Variants in GLI3 observed in about 807,000 individuals in gnomAD.
GLI3 encodes the protein GLI family zinc finger 3.
Under a neutral mutation model 100.8 loss-of-function variants are expected in GLI3, and 20 were observed. The observed-to-expected ratio is 0.20, with a 90% CI of 0.14 to 0.29. GLI3 has a LOEUF of 0.29. GLI3 is among the 10% of genes least tolerant of loss of function. The pLI, the probability that GLI3 is intolerant of heterozygous loss-of-function variation, is 1.00. For missense variants in GLI3, 2,040 were observed against 2,128.5 expected (o/e 0.96, Z 0.82); for synonymous variants, 938 against 860.5 (o/e 1.09, Z -1.58).
At chr7:42,223,076 G>A (rs1788518182) in intron 2 of GLI3, 54 bp downstream of exon 2, 2 of 1,606,038 alleles carry the variant, frequency 1.2e-6, no homozygotes, top group African/African-American at 1.3e-5. Context: ...AAGGAATGCA[G>A]AGAACACAGA....
upstream of GLI3, among the ~76,000 whole-genome samples, chr7:42,241,324 C>T (rs530397033): frequency 2.6e-5 from 4 of 152,242 alleles, no homozygotes; most frequent in Non-Finnish European, 4.4e-5. Flanking sequence ...CAAGTGGATC[C>T]GATATTCCCC....
intron 3 of GLI3, 74 bp downstream of exon 3, chr7:42,148,149 ACAC>A (rs1786765165): frequency 7.4e-7 from 1 of 1,342,318 alleles, no homozygotes; most frequent in Non-Finnish European, 1.0e-6. Flanking sequence ...ACACACACAC[ACAC>A]ACACACACAC....
chr7:42,200,475 A>G (rs1290247833), intron 2 of GLI3, among the ~76,000 whole-genome samples: 1 of 152,192 alleles, frequency 6.6e-6, no homozygotes, highest in Non-Finnish European at 1.5e-5. Flanking sequence ...AAAGCCAGAG[A>G]ACGCTCCACT....
intron 3 of GLI3, among the ~76,000 whole-genome samples, chr7:42,099,400 A>C (rs1304058266): frequency 2.6e-5 from 4 of 152,264 alleles, no homozygotes; most frequent in African/African-American, 9.6e-5. Flanking sequence ...TACATGAAAT[A>C]ATTGAAATAG....
chr7:42,251,054 A>G (rs2128710370), intron 1 of GLI3, among the ~76,000 whole-genome samples: 1 of 152,312 alleles, frequency 6.6e-6, no homozygotes, highest in Admixed American at 6.5e-5. Flanking sequence ...GTTCCCAGAA[A>G]GCTTATGCTA....
At chr7:42,034,107 A>T (rs529614517) in intron 7 of GLI3, among the ~76,000 whole-genome samples, 1 of 152,364 alleles carries the variant, frequency 6.6e-6, no homozygotes, top group South Asian at 2.1e-4. Flanking sequence ...GATCTGGCTC[A>T]TCAGGTATGT....
chr7:42,021,216 T>A (rs1348893746), intron 10 of GLI3, among the ~76,000 whole-genome samples: 1 of 152,212 alleles, frequency 6.6e-6, no homozygotes, highest in Non-Finnish European at 1.5e-5. Context: ...CTTAATTCAT[T>A]TAATTAAGTT....
At chr7:41,988,727 G>A (rs752378514) in intron 10 of GLI3, among the ~76,000 whole-genome samples, 1 of 152,196 alleles carries the variant, frequency 6.6e-6, no homozygotes, top group Non-Finnish European at 1.5e-5. Context: ...CCAGTGTTAA[G>A]ATATTTTGTT....
chr7:42,089,777 A>T (rs2128756252), intron 3 of GLI3, among the ~76,000 whole-genome samples: 1 of 152,366 alleles, frequency 6.6e-6, no homozygotes, highest in African/African-American at 2.4e-5. Flanking sequence ...GGCTAGTAAG[A>T]CTTAACTCTG....
chr7:42,260,218 C>T (rs1319522285), intron 1 of GLI3, among the ~76,000 whole-genome samples: 4 of 152,284 alleles, frequency 2.6e-5, no homozygotes, highest in South Asian at 2.1e-4. Context: ...TGAACATCTA[C>T]GTACCATTTG....
intron 1 of GLI3, among the ~76,000 whole-genome samples, chr7:42,258,282 CCAA>C (rs1170266708): frequency 6.6e-6 from 1 of 152,164 alleles, no homozygotes; most frequent in Non-Finnish European, 1.5e-5. Context: ...ACCTGTATGA[CCAA>C]CATTTTTAGC....
At chr7:42,119,857 AC>A (rs34202620) in intron 3 of GLI3, among the ~76,000 whole-genome samples, 1 of 152,114 alleles carries the variant, frequency 6.6e-6, no homozygotes, top group South Asian at 2.1e-4. Context: ...ATAACTTTCT[AC>A]CCCCTGTTTG....
intron 3 of GLI3, among the ~76,000 whole-genome samples, chr7:42,114,447 A>G (rs1373561997): frequency 6.6e-6 from 1 of 152,204 alleles, no homozygotes; most frequent in East Asian, 1.9e-4. Context: ...TGGGAAAAAA[A>G]AAAAGAAATA....
rs1789111139 is a variant in GLI3, at chr7:42,026,316, T to A, written c.1125A>T (p.Gly375=). 2 of 1,614,006 alleles carry A rather than the reference T, an allele frequency of 1.2e-6. No individual in the cohort carries two copies. Among genetic ancestry groups the A allele is most frequent in the Admixed American group, 3.3e-5 (2 of 60,000 alleles). The change falls in exon 8 of 15, where the codon GGA becomes GGT. Residue 375 remains glycine, a synonymous_variant. Transcript: ENST00000395925. The part of the protein sequence containing the change: ...SRQQSLGSAF[G]HSPPLIHPAP... Reference sequence around the variant, plus strand: ...CAGGGTGGATGAGTGGAGGGCTGTGTCCAAAGGCTGAACCTAAGCTCTGTT... The same window carrying A: ...CAGGGTGGATGAGTGGAGGGCTGTGACCAAAGGCTGAACCTAAGCTCTGTT...
At position 42,217,376 on chromosome 7, in the gene GLI3, G is replaced by T. The variant is rs554935773; in HGVS notation, c.124+5754C>A. On this transcript the variant is annotated intron_variant, in intron 2 of 14. Transcript: ENST00000395925. ...ACATGTGAGTTTGGAGCTCAAGAGAGTCGGGGCTCTTATTAGAATCAGAAT... is the reference window on the plus strand; with the variant it reads ...ACATGTGAGTTTGGAGCTCAAGAGATTCGGGGCTCTTATTAGAATCAGAAT... 3.9e-5 allele frequency among the ~76,000 whole-genome samples: 6 copies of T among 152,296 alleles called. No individual in the cohort carries two copies. In the South Asian group the frequency reaches 1.2e-3, roughly 32 times the overall value.
At chr7:42,258,751 T>C (rs1789111477) in intron 1 of GLI3, among the ~76,000 whole-genome samples, 1 of 152,170 alleles carries the variant, frequency 6.6e-6, no homozygotes, top group African/African-American at 2.4e-5. Flanking sequence ...GCTTGTTTTA[T>C]AAGGGCTTGA....
intron 10 of GLI3, among the ~76,000 whole-genome samples, chr7:42,003,490 G>C (rs1313295866): frequency 6.6e-6 from 1 of 152,068 alleles, no homozygotes; most frequent in Non-Finnish European, 1.5e-5. Context: ...ACAAATGAGT[G>C]AAAGTACAAA....
intron 3 of GLI3, chr7:42,113,250 G>A (rs1401171643): frequency 3.5e-5 from 17 of 491,822 alleles, no homozygotes; most frequent in Non-Finnish European, 6.2e-5. Flanking sequence ...AAGAAATACA[G>A]AAGTACGGAG....
chr7:42,172,162 G>A (rs1051107014), intron 2 of GLI3, among the ~76,000 whole-genome samples: 13 of 151,990 alleles, frequency 8.6e-5, no homozygotes, highest in African/African-American at 7.3e-5. Flanking sequence ...TCTTCTGTAC[G>A]TAGGCCCGTT....
Sources: gnomAD v4.1 joint callset for allele counts (sites outside exome capture counted in the v4.1 genomes callset) on GRCh38, gnomAD v4.1.1 for gene constraint, MANE v1.5 for transcripts, NCBI Gene and HGNC (gene_info 2026-07-23, HGNC 2026-07-21) for gene names.